TAF1: variants seen among roughly 807,000 people sequenced by gnomAD.
TAF1 encodes the protein TATA-box binding protein associated factor 1.
In TAF1, 2 loss-of-function variants were observed where a neutral mutation model predicts 138.5. The ratio of observed to expected loss-of-function variants is 0.01; its 90% confidence interval spans 0.01 to 0.05. The LOEUF is 0.05. Among genes scored for constraint, TAF1 ranks in the 10% least tolerant of loss-of-function variants. The pLI is 1.00. For missense variants in TAF1, 709 were observed against 1,478.0 expected (o/e 0.48, Z 8.53); for synonymous variants, 437 against 503.2 (o/e 0.87, Z 1.76).
intron 13 of TAF1, among the ~76,000 whole-genome samples, chrX:71,486,629 C>T (rs111311135): frequency 0.073 from 7,990 of 108,734 alleles, 335 homozygotes; most frequent in Non-Finnish European, 0.11. Context: ...GGATTACCGG[C>T]GTGAGCCATC....
At chrX:71,409,927 C>G (rs1317410218) in intron 28 of TAF1, among the ~76,000 whole-genome samples, 3 of 108,437 alleles carry the variant, frequency 2.8e-5, no homozygotes, top group Non-Finnish European at 5.7e-5. Flanking sequence ...GAATCTTGCT[C>G]TGTCGCCCAG....
At chrX:71,398,527 T>G (rs1219292645) in intron 23 of TAF1, 45 bp from the exon 24 acceptor site, 1 of 1,196,446 alleles carries the variant, frequency 8.4e-7, no homozygotes, top group Non-Finnish European at 1.1e-6. Flanking sequence ...TAAGGTTTGC[T>G]TATGGTCCTG....
At chrX:71,389,838 T>A in intron 18 of TAF1, 173 bp downstream of exon 18, 1 of 366,847 alleles carries the variant, frequency 2.7e-6, no homozygotes, top group Non-Finnish European at 4.6e-6. Context: ...AATATTATAT[T>A]TTATATGATA....
chrX:71,474,853 G>A (rs1309077331), intron 13 of TAF1, among the ~76,000 whole-genome samples: 1 of 111,744 alleles, frequency 8.9e-6, no homozygotes, highest in Admixed American at 9.6e-5. Flanking sequence ...CGTGCATTGA[G>A]CAAGGGGAAG....
Position 71,384,121 on chromosome X carries a change from A to G in TAF1, c.2107A>G (p.Asn703Asp), listed in dbSNP as rs1173051321. The change falls in exon 13 of 38, where the codon AAC (asparagine) becomes GAC (aspartate). Residue 703 changes from asparagine (N) to aspartate (D), a missense_variant. Around this residue, in one of 14 missense-constraint regions of TAF1, gnomAD observed 201 missense variants for 421.3 expected, o/e 0.48. Coordinates refer to ENST00000423759, the MANE Select transcript of TAF1 (RefSeq NM_004606.5). ...GGTTGGCATGGCAACCAAGATAAAG[A>G]ACTATTATAAACGGGTGAGTCTCTG... is the stretch of plus-strand genomic sequence containing the variant. ...MQVGMATKIK[N>D]YYKRKPGKDP... The G allele has an allele frequency of 8.3e-7, 1 of 1,208,820 alleles. No homozygotes were observed.
intron 13 of TAF1, among the ~76,000 whole-genome samples, chrX:71,524,434 G>C (rs2039959083): frequency 9.0e-6 from 1 of 111,114 alleles, no homozygotes. Context: ...TCATTAACAA[G>C]GTACAACCAA....
chrX:71,455,377 ATGAG>A (rs1168945975), intron 34 of TAF1, among the ~76,000 whole-genome samples: 2 of 112,073 alleles, frequency 1.8e-5, no homozygotes, highest in Admixed American at 9.5e-5. Context: ...TGTCAAAAGA[ATGAG>A]AGAGCAGGAT....
At chrX:71,451,544 G>A (rs967479782) in intron 32 of TAF1, among the ~76,000 whole-genome samples, 5 of 106,752 alleles carry the variant, frequency 4.7e-5, no homozygotes, top group Admixed American at 1.0e-4. Context: ...ATTTGGCAGG[G>A]TCATAGGACA....
intron 28 of TAF1, among the ~76,000 whole-genome samples, chrX:71,419,394 A>G (rs1209621624): frequency 9.0e-6 from 1 of 111,136 alleles, no homozygotes; most frequent in East Asian, 2.8e-4. Context: ...AAAAAAACAA[A>G]AACAAAAACA....
chrX:71,496,469 T>TTC (rs1014072985), intron 13 of TAF1, among the ~76,000 whole-genome samples: 1 of 111,815 alleles, frequency 8.9e-6, no homozygotes, highest in African/African-American at 3.2e-5. Context: ...TCTTTACTAC[T>TTC]TCTCTCTCTT....
intron 34 of TAF1, 36 bp downstream of exon 34, chrX:71,454,893 T>C (rs1288999108): frequency 7.5e-6 from 9 of 1,202,695 alleles, no homozygotes; most frequent in African/African-American, 1.7e-5. Flanking sequence ...TCATATAGTT[T>C]TCTTATTGGT....
chrX:71,382,943 G>C (rs1195002555), intron 11 of TAF1, 48 bp from the exon 12 acceptor site: 2 of 1,191,050 alleles, frequency 1.7e-6, no homozygotes, highest in African/African-American at 3.5e-5. Flanking sequence ...GGAAAATCTT[G>C]CTTAGGATGG....
intron 34 of TAF1, among the ~76,000 whole-genome samples, chrX:71,456,656 T>C (rs931401071): frequency 5.4e-5 from 1 of 18,684 alleles, no homozygotes; most frequent in Admixed American, 9.1e-4. Context: ...TTTCTTTTTT[T>C]TTTTTTTTTT....
At chrX:71,398,782 A>G (rs2034997587) in intron 24 of TAF1, 45 bp downstream of exon 24, 1 of 1,138,833 alleles carries the variant, frequency 8.8e-7, no homozygotes, top group Non-Finnish European at 1.2e-6. Context: ...GCAAAGGAAG[A>G]ATGTATACCT....
chrX:71,460,871 A>G (rs1569375510), intron 37 of TAF1, 68 bp downstream of exon 37: 1 of 1,146,429 alleles, frequency 8.7e-7, no homozygotes, highest in East Asian at 3.2e-5. Context: ...GGGGCCCAAC[A>G]TCAGATTACT....
intron 13 of TAF1, among the ~76,000 whole-genome samples, chrX:71,524,029 T>TG (rs1188974685): frequency 2.9e-5 from 3 of 103,888 alleles, no homozygotes; most frequent in African/African-American, 1.1e-4. Context: ...CTTTTTTTTT[T>TG]TTTTTTTTTT....
intron 23 of TAF1, among the ~76,000 whole-genome samples, chrX:71,398,333 G>A (rs778326830): frequency 1.9e-5 from 2 of 106,367 alleles, no homozygotes; most frequent in Admixed American, 2.0e-4. Context: ...GGGAGACTCC[G>A]TCTCAAGAAA....
intron 13 of TAF1, among the ~76,000 whole-genome samples, chrX:71,498,459 G>A (rs1021975678): frequency 8.9e-6 from 1 of 111,829 alleles, no homozygotes; most frequent in Admixed American, 9.5e-5. Flanking sequence ...TCCTAGAATT[G>A]GGGTGTTGCA....
chrX:71,525,218 T>C (rs1375404229), intron 13 of TAF1, among the ~76,000 whole-genome samples: 1 of 109,373 alleles, frequency 9.1e-6, no homozygotes, highest in East Asian at 2.9e-4. Flanking sequence ...ATTTTTATAT[T>C]TTTAGTAAAG....
Sources: allele counts gnomAD v4.1 joint callset (sites outside exome capture counted in the v4.1 genomes callset), GRCh38; gene constraint gnomAD v4.1.1; regional missense constraint gnomAD v4.1.1; transcripts MANE v1.5; gene names NCBI Gene and HGNC (gene_info 2026-07-23, HGNC 2026-07-21).